Variants in FOXP1 observed in about 807,000 individuals in gnomAD.
The protein encoded by FOXP1 is forkhead box P1.
Under a neutral mutation model 98.2 loss-of-function variants are expected in FOXP1, and 15 were observed. The ratio of observed to expected loss-of-function variants is 0.15; its 90% CI spans 0.10 to 0.24. The LOEUF (loss-of-function observed/expected upper bound fraction) is 0.24, where lower values mean the gene tolerates loss of function less well. FOXP1 is among the 10% of genes least tolerant of loss of function. The probability of loss-of-function intolerance (pLI) is 1.00; values close to 1 mark genes in which losing one functional copy is unlikely to be tolerated. For missense variants in FOXP1, 633 were observed against 848.5 expected, an observed-to-expected ratio of 0.75 and a Z score of 3.15; for synonymous variants, 371 against 314.5, an observed-to-expected ratio of 1.18 and a Z score of -1.90.
intron 2 of FOXP1, among the ~76,000 whole-genome samples, chr3:71,522,565 TC>T (rs1169091361): frequency 6.6e-6 from 1 of 152,210 alleles, no homozygotes; most frequent in East Asian, 1.9e-4. Flanking sequence ...ACTGGCCACC[TC>T]CCAGGTTCAT....
At chr3:71,197,437 A>G (rs1157307121) in intron 6 of FOXP1, among the ~76,000 whole-genome samples, 2 of 152,122 alleles carry the variant, frequency 1.3e-5, no homozygotes, top group African/African-American at 4.8e-5. Flanking sequence ...ACAGAACACT[A>G]TTTCTTGGGT....
intron 7 of FOXP1, among the ~76,000 whole-genome samples, chr3:71,092,285 C>T (rs540283951): frequency 1.3e-5 from 2 of 151,864 alleles, no homozygotes; most frequent in Admixed American, 6.6e-5. Context: ...GCAGGAGAAT[C>T]GCTTGAACCT....
At chr3:71,302,710 T>C (rs2073953225) in intron 4 of FOXP1, 3 of 152,142 alleles carry the variant, frequency 2.0e-5, no homozygotes, top group Non-Finnish European at 4.4e-5. Context: ...TTTTCCTTTA[T>C]GTCATTCTCT....
At chr3:71,423,746 C>A (rs1225969056) in intron 3 of FOXP1, among the ~76,000 whole-genome samples, 1 of 152,194 alleles carries the variant, frequency 6.6e-6, no homozygotes, top group Non-Finnish European at 1.5e-5. Context: ...CCTCACTGAG[C>A]CCTTCAGCAA....
intron 2 of FOXP1, among the ~76,000 whole-genome samples, chr3:71,580,172 C>CAA (rs78002378): frequency 3.9e-5 from 5 of 127,782 alleles, no homozygotes; most frequent in Non-Finnish European, 6.5e-5. Context: ...TTTACTTTTC[C>CAA]AAAAAAAAAA....
At chr3:71,057,744 C>T (rs996000139) in intron 7 of FOXP1, among the ~76,000 whole-genome samples, 2 of 152,108 alleles carry the variant, frequency 1.3e-5, no homozygotes, top group Admixed American at 6.5e-5. Context: ...AAAAAACACA[C>T]GGCATGATAC....
intron 2 of FOXP1, among the ~76,000 whole-genome samples, chr3:71,499,034 T>C (rs948337974): frequency 3.9e-5 from 6 of 152,188 alleles, no homozygotes; most frequent in African/African-American, 1.2e-4. Context: ...ACAAAATGCA[T>C]TGGATGGTTT....
intron 2 of FOXP1, among the ~76,000 whole-genome samples, chr3:71,536,483 A>C (rs566342950): frequency 7.9e-5 from 12 of 152,192 alleles, no homozygotes; most frequent in Non-Finnish European, 1.3e-4. Flanking sequence ...AGGAATGGAG[A>C]CTGTACTAAA....
chr3:70,977,890 A>AT lies in FOXP1; in HGVS notation c.1285dup (p.Met429AsnfsTer32). On this transcript the variant is annotated frameshift_variant, in exon 15 of 21. Transcript: ENST00000649528. LOFTEE classifies it high-confidence loss of function. The stretch of plus-strand genomic sequence containing the variant: ...CCTGCGGATGGGTCCCACCGTGTGC[A>AT]TGCTGGTGGTTGTGATGACAGAGGG... 1 of 1,614,148 alleles carries AT rather than the reference A, an allele frequency of 6.2e-7. No individual in the cohort carries two copies. The highest frequency in any genetic ancestry group is 8.5e-7 in the Non-Finnish European group (1 of 1,180,016).
At position 71,421,119 on chromosome 3, in the gene FOXP1, C is replaced by T. The variant is rs79399970; in HGVS notation, c.-167-61875G>A. On this transcript the variant is annotated intron_variant, in intron 3 of 20. Transcript: ENST00000649528. Reference sequence around the variant, plus strand: ...GCTACTGGACTGCAAGGGACAGACACAGCAAAGCAAAATCTGTCACCATCA... The same window carrying T: ...GCTACTGGACTGCAAGGGACAGACATAGCAAAGCAAAATCTGTCACCATCA... Among the ~76,000 whole-genome samples the T allele has an allele frequency of 9.1e-3, 1,388 of 152,262 alleles. 23 individuals carry two copies. The highest frequency in any genetic ancestry group is 0.032 in the African/African-American group (1,342 of 41,528).
intron 14 of FOXP1, among the ~76,000 whole-genome samples, chr3:70,982,785 T>G (rs2039089823): frequency 1.3e-5 from 2 of 151,994 alleles, no homozygotes; most frequent in South Asian, 4.2e-4. Flanking sequence ...ATTAAAAAAA[T>G]AAACTGCTGA....
chr3:71,112,136 C>T (rs980856002), intron 7 of FOXP1, among the ~76,000 whole-genome samples: 1 of 151,704 alleles, frequency 6.6e-6, no homozygotes, highest in Non-Finnish European at 1.5e-5. Flanking sequence ...GGGGGGGTCG[C>T]CAAAATCTTC....
chr3:71,244,016 C>T (rs1323252010), intron 5 of FOXP1, among the ~76,000 whole-genome samples: 1 of 152,182 alleles, frequency 6.6e-6, no homozygotes, highest in Non-Finnish European at 1.5e-5. Context: ...CCCAAACACA[C>T]CTTCACATTA....
intron 7 of FOXP1, among the ~76,000 whole-genome samples, chr3:71,078,075 G>A (rs550704044): frequency 1.3e-5 from 2 of 152,212 alleles, no homozygotes; most frequent in African/African-American, 2.4e-5. Flanking sequence ...CAGGTGATCC[G>A]CCTCCCTTGG....
At chr3:70,983,123 G>A (rs1439140423) in intron 14 of FOXP1, among the ~76,000 whole-genome samples, 1 of 152,172 alleles carries the variant, frequency 6.6e-6, no homozygotes, top group Non-Finnish European at 1.5e-5. Context: ...GACAATGGGT[G>A]GCAGCCTTTG....
intron 7 of FOXP1, among the ~76,000 whole-genome samples, chr3:71,096,381 CTG>C (rs2056457936): frequency 6.6e-6 from 1 of 152,134 alleles, no homozygotes; most frequent in African/African-American, 2.4e-5. Context: ...CGGAGCCTAA[CTG>C]TGAGTTTTAA....
rs1187795578 is a variant in FOXP1, at chr3:70,966,027, T to A, written c.1752A>T (p.Leu584=). 1 of 1,614,130 alleles carries A rather than the reference T, an allele frequency of 6.2e-7. No individual in the cohort carries two copies. The highest frequency in any genetic ancestry group is 1.1e-5 in the South Asian group (1 of 91,086). ...QASMAENSIP[L]YTTASMGNPT... is the part of the protein sequence containing the mutation. ...GATTTCCCATGGAAGCGGTAGTGTA[T>A]AGAGGTATACTATTCTCAGCCATTG... is the stretch of plus-strand genomic sequence containing the variant. The change falls in exon 20 of 21, where the codon CTA becomes CTT. Residue 584 remains leucine, a synonymous_variant. Coordinates refer to ENST00000649528, the MANE Select transcript of FOXP1 (RefSeq NM_001349338.3).
intron 5 of FOXP1, among the ~76,000 whole-genome samples, chr3:71,279,838 T>C (rs867939139): frequency 6.6e-6 from 1 of 152,048 alleles, no homozygotes; most frequent in African/African-American, 2.4e-5. Flanking sequence ...AAAAATAGAA[T>C]GCAGGCCAGG....
intron 3 of FOXP1, among the ~76,000 whole-genome samples, chr3:71,419,771 A>C (rs748470775): frequency 1.3e-5 from 2 of 152,152 alleles, no homozygotes; most frequent in Non-Finnish European, 2.9e-5. Context: ...ATACACATAC[A>C]TATATGCACA....
Sources: gnomAD v4.1 joint callset for allele counts (sites outside exome capture counted in the v4.1 genomes callset) on GRCh38, gnomAD v4.1.1 for gene constraint, MANE v1.5 for transcripts, NCBI Gene and HGNC (gene_info 2026-07-23, HGNC 2026-07-21) for gene names.